Variants in KHDRBS3 observed in about 807,000 individuals in gnomAD.
KHDRBS3 encodes the protein KH domain-containing, RNA-binding, signal transduction-associated protein 3.
KHDRBS3 carries 23 observed loss-of-function variants against 45.6 expected under a neutral mutation model. The observed-to-expected ratio is 0.50, with a 90% CI of 0.36 to 0.72. The LOEUF (loss-of-function observed/expected upper bound fraction) is 0.72. Ranked by LOEUF, KHDRBS3 falls within the 30% of genes least tolerant of loss-of-function variation. KHDRBS3 has a pLI of 0.00. For synonymous variants in KHDRBS3, 162 were observed against 156.5 expected, an observed-to-expected ratio of 1.04 and a Z score of -0.26; for missense variants, 352 against 424.8, an observed-to-expected ratio of 0.83 and a Z score of 1.51.
At chr8:135,620,512 GACTCAATA>G (rs1281938342) in intron 7 of KHDRBS3, among the ~76,000 whole-genome samples, 2 of 152,058 alleles carry the variant, frequency 1.3e-5, no homozygotes. Context: ...ATTTATACTT[GACTCAATA>G]ACCTATTAAA....
At chr8:135,498,906 C>T (rs1468726720) in intron 1 of KHDRBS3, among the ~76,000 whole-genome samples, 1 of 151,598 alleles carries the variant, frequency 6.6e-6, no homozygotes, top group Non-Finnish European at 1.5e-5. Context: ...ATGTACCTGT[C>T]ATGGACAGAA....
chr8:135,481,784 C>A (rs1822591383), intron 1 of KHDRBS3, among the ~76,000 whole-genome samples: 1 of 152,136 alleles, frequency 6.6e-6, no homozygotes, highest in African/African-American at 2.4e-5. Context: ...TTAAGTGGGG[C>A]CTTCTAAATC....
downstream of KHDRBS3, chr8:135,648,076 C>T (rs1831359521): frequency 6.6e-6 from 1 of 152,088 alleles, no homozygotes; most frequent in Admixed American, 6.6e-5. Flanking sequence ...GTCGCACTCG[C>T]CAAGGCTGAG....
At chr8:135,540,543 AAGATAC>A (rs1825994260) in intron 2 of KHDRBS3, 1 of 152,262 alleles carries the variant, frequency 6.6e-6, no homozygotes, top group Non-Finnish European at 1.5e-5. Flanking sequence ...GTGAGGCTCC[AAGATAC>A]AGACAGATAC....
chr8:135,498,146 A>C (rs1823553664), intron 1 of KHDRBS3, among the ~76,000 whole-genome samples: 1 of 152,160 alleles, frequency 6.6e-6, no homozygotes, highest in African/African-American at 2.4e-5. Context: ...AAAAAAAAAT[A>C]CAGTTCTATC....
chr8:135,488,778 A>G (rs4909485), intron 1 of KHDRBS3, among the ~76,000 whole-genome samples: 121,471 of 151,718 alleles, frequency 0.8, 49,142 homozygotes, highest in East Asian at 0.96. Context: ...TTTGAATACA[A>G]TATGGCATTG....
At chr8:135,543,105 G>A (rs1424770072) in intron 3 of KHDRBS3, among the ~76,000 whole-genome samples, 3 of 152,108 alleles carry the variant, frequency 2.0e-5, no homozygotes, top group African/African-American at 7.2e-5. Context: ...TTAGATTAGT[G>A]TTTTTGGAGT....
chr8:135,528,296 C>G (rs1018619238), intron 2 of KHDRBS3, among the ~76,000 whole-genome samples: 1 of 152,062 alleles, frequency 6.6e-6, no homozygotes, highest in Non-Finnish European at 1.5e-5. Context: ...GGGAAACTTT[C>G]TTTTTTGAAG....
chr8:135,575,489 C>T (rs1319249256), intron 5 of KHDRBS3, among the ~76,000 whole-genome samples: 2 of 152,204 alleles, frequency 1.3e-5, no homozygotes, highest in Non-Finnish European at 2.9e-5. Context: ...AACATGTCTG[C>T]ATCCTATGCA....
At position 135,494,279 on chromosome 8, in the gene KHDRBS3, T is replaced by A. The variant is rs1178601211; in HGVS notation, c.89-26958T>A. Among the ~76,000 whole-genome samples, 26 of 131,704 alleles carry A rather than the reference T, an allele frequency of 2.0e-4. No homozygotes were observed. In the East Asian group the frequency reaches 3.1e-3, roughly 16 times the overall value. The allele number at this position is 131,704 out of a possible 152,430, so 86.4% of individuals were successfully genotyped here. ...TTCCTCTTCTGTTTCTCTTATTTTT[T>A]TTTTTTTTTTTTTTTTTGAGACAGA... On this transcript the variant is annotated intron_variant, in intron 1 of 8. Transcript: ENST00000355849.
intron 6 of KHDRBS3, among the ~76,000 whole-genome samples, chr8:135,592,357 G>A (rs1256972065): frequency 6.6e-6 from 1 of 152,116 alleles, no homozygotes; most frequent in African/African-American, 2.4e-5. Flanking sequence ...AAGTTGTGCT[G>A]TCATAATTAG....
At chr8:135,569,675 T>C (rs138181712) in intron 5 of KHDRBS3, among the ~76,000 whole-genome samples, 92 of 152,282 alleles carry the variant, frequency 6.0e-4, no homozygotes, top group African/African-American at 2.0e-3. Context: ...GTGAGCCGCA[T>C]GGTCTCTGGG....
chr8:135,479,287 A>T (rs983693356), intron 1 of KHDRBS3, among the ~76,000 whole-genome samples: 2 of 152,250 alleles, frequency 1.3e-5, no homozygotes, highest in African/African-American at 4.8e-5. Context: ...ACTGGTTTAT[A>T]AATTGTTAAA....
rs571922250 is a variant in KHDRBS3 at position 135,615,183 on chromosome 8, G to A, written c.890+8146G>A. ...CTTTTTTAAAACTGGATTTTACAAGGAGCTCCACAGATGGGCCTAGGAGAA... is the reference window on the plus strand; with the variant it reads ...CTTTTTTAAAACTGGATTTTACAAGAAGCTCCACAGATGGGCCTAGGAGAA... On this transcript the variant is annotated intron_variant, in intron 7 of 8. Transcript: ENST00000355849. Among the ~76,000 whole-genome samples the A allele has an allele frequency of 4.6e-5, 7 of 151,850 alleles. No individual in the cohort carries two copies. In the East Asian group the frequency reaches 1.4e-3, roughly 29 times the overall value.
chr8:135,536,125 T>G (rs1238574179), intron 2 of KHDRBS3, among the ~76,000 whole-genome samples: 1 of 152,046 alleles, frequency 6.6e-6, no homozygotes, highest in Non-Finnish European at 1.5e-5. Flanking sequence ...CCACCCCAGA[T>G]GAGCAAATGC....
intron 1 of KHDRBS3, among the ~76,000 whole-genome samples, chr8:135,498,470 A>T (rs1168512376): frequency 6.6e-6 from 1 of 152,196 alleles, no homozygotes; most frequent in African/African-American, 2.4e-5. Context: ...CCATCTGCTG[A>T]TAGATTTCAT....
chr8:135,586,618 CTTTCA>C (rs1828488280), intron 6 of KHDRBS3, among the ~76,000 whole-genome samples: 2 of 152,138 alleles, frequency 1.3e-5, no homozygotes, highest in South Asian at 4.1e-4. Context: ...AAGAATAACA[CTTTCA>C]TTTAAGAATT....
chr8:135,526,201 G>A (rs749250453), intron 2 of KHDRBS3, among the ~76,000 whole-genome samples: 6 of 151,880 alleles, frequency 4.0e-5, no homozygotes, highest in Non-Finnish European at 5.9e-5. Flanking sequence ...TGCATTTCTC[G>A]GAATGTGTTC....
At chr8:135,458,017 C>G in intron 1 of KHDRBS3, 63 bp downstream of exon 1, 1 of 1,502,906 alleles carries the variant, frequency 6.7e-7, no homozygotes, top group Non-Finnish European at 8.9e-7. Flanking sequence ...AACGCGGGGG[C>G]CCAGGGGGCC....
Sources: gnomAD v4.1 joint callset for allele counts (sites outside exome capture counted in the v4.1 genomes callset) on GRCh38, gnomAD v4.1.1 for gene constraint, MANE v1.5 for transcripts, NCBI Gene and HGNC (gene_info 2026-07-23, HGNC 2026-07-21) for gene names.